Variants in EPC2 observed in about 807,000 individuals in gnomAD.
EPC2 encodes the protein enhancer of polycomb homolog 2.
A neutral mutation model predicts 92.1 loss-of-function variants in EPC2; 14 were observed. The ratio of observed to expected loss-of-function variants is 0.15; its 90% confidence interval spans 0.10 to 0.24. The LOEUF is 0.24. Among genes scored for constraint, EPC2 ranks in the 10% least tolerant of loss-of-function variants. The pLI is 1.00. For synonymous variants in EPC2, 340 were observed against 334.7 expected, an observed-to-expected ratio of 1.02 and a Z score of -0.17; for missense variants, 755 against 971.5, an observed-to-expected ratio of 0.78 and a Z score of 2.96.
intron 2 of EPC2, among the ~76,000 whole-genome samples, chr2:148,725,288 C>T (rs532584357): frequency 6.6e-6 from 1 of 151,978 alleles, no homozygotes; most frequent in South Asian, 2.1e-4. Flanking sequence ...TGAATTCTAT[C>T]TACTGTTCTC....
intron 1 of EPC2, among the ~76,000 whole-genome samples, chr2:148,679,938 C>A (rs146720358): frequency 6.6e-6 from 1 of 152,114 alleles, no homozygotes; most frequent in Non-Finnish European, 1.5e-5. Context: ...TAAGCCACTG[C>A]GCCTGGCAAA....
intron 2 of EPC2, among the ~76,000 whole-genome samples, chr2:148,710,674 A>G (rs1490584887): frequency 7.0e-6 from 1 of 141,948 alleles, no homozygotes; most frequent in Admixed American, 7.6e-5. Context: ...GCCATAAAAA[A>G]TAATGAGTTA....
chr2:148,774,624 T>TATATATATATATATATA (rs935978031), intron 10 of EPC2, among the ~76,000 whole-genome samples: 4 of 132,572 alleles, frequency 3.0e-5, no homozygotes, highest in African/African-American at 1.1e-4. Context: ...AAAATATATT[T>TATATATATATATATATA]TATATATATA....
Position 148,754,023 on chromosome 2 carries a change from A to C in EPC2, c.556A>C (p.Arg186=). Residue 186 remains arginine, a synonymous_variant, in exon 4 of 14, where the codon AGG becomes CGG. Transcript: ENST00000258484. ...CTGGGTGAGAAAACGTAAAAACTGC[A>C]GGGGGCCATCCCTCATTCCTCAGAT... ...DYWVRKRKNC[R]GPSLIPQIKQ... is the part of the protein sequence containing the mutation. 1 of 1,611,572 alleles carries C rather than the reference A, an allele frequency of 6.2e-7. No homozygotes were observed. Among genetic ancestry groups the C allele is most frequent in the Non-Finnish European group, 8.5e-7 (1 of 1,178,798 alleles).
At chr2:148,664,056 T>C (rs955998394) in intron 1 of EPC2, among the ~76,000 whole-genome samples, 9 of 152,182 alleles carry the variant, frequency 5.9e-5, no homozygotes, top group Non-Finnish European at 1.3e-4. Context: ...AGTCACCTAC[T>C]ACCCAATTCC....
chr2:148,671,879 T>C (rs1681162745), intron 1 of EPC2, among the ~76,000 whole-genome samples: 1 of 152,182 alleles, frequency 6.6e-6, no homozygotes, highest in Non-Finnish European at 1.5e-5. Flanking sequence ...CAGTGTATAG[T>C]TGAGCCTTGG....
chr2:148,653,616 G>A (rs928038936), intron 1 of EPC2, among the ~76,000 whole-genome samples: 6 of 151,882 alleles, frequency 4.0e-5, no homozygotes, highest in African/African-American at 9.7e-5. Context: ...GTAAGCAGCT[G>A]TTGCTATAAA....
chr2:148,713,290 A>G (rs1682192179), intron 2 of EPC2, among the ~76,000 whole-genome samples: 1 of 152,184 alleles, frequency 6.6e-6, no homozygotes, highest in Non-Finnish European at 1.5e-5. Context: ...GATAATGATG[A>G]TCATGACCCA....
intron 1 of EPC2, among the ~76,000 whole-genome samples, chr2:148,686,268 A>G (rs1247266133): frequency 1.3e-5 from 2 of 152,216 alleles, no homozygotes; most frequent in African/African-American, 4.8e-5. Context: ...GCTCATCCAT[A>G]AGAAACAACT....
intron 1 of EPC2, among the ~76,000 whole-genome samples, chr2:148,678,760 T>C (rs931482801): frequency 6.6e-6 from 1 of 152,224 alleles, no homozygotes; most frequent in Non-Finnish European, 1.5e-5. Context: ...GGTGCCCACT[T>C]GTGCCTCTCC....
intron 1 of EPC2, among the ~76,000 whole-genome samples, chr2:148,657,645 A>G (rs949982723): frequency 9.2e-5 from 14 of 152,014 alleles, no homozygotes; most frequent in African/African-American, 3.1e-4. Context: ...ACACCAGAAT[A>G]TCTAGGATGC....
intron 1 of EPC2, among the ~76,000 whole-genome samples, chr2:148,656,382 A>G (rs369292672): frequency 4.1e-5 from 6 of 147,872 alleles, no homozygotes; most frequent in South Asian, 4.7e-4. Flanking sequence ...TTTTATACCA[A>G]AAAAGTCAGA....
intron 13 of EPC2, among the ~76,000 whole-genome samples, chr2:148,785,343 C>G (rs1683845711): frequency 6.6e-6 from 1 of 151,974 alleles, no homozygotes; most frequent in Admixed American, 6.5e-5. Context: ...CCGCCCCACC[C>G]CCGAGATGGA....
In EPC2 at chr2:148,672,817, T is replaced by G. The variant is rs1444884772; in HGVS notation, c.154-17397T>G. On this transcript the variant is annotated intron_variant, in intron 1 of 13. Transcript: ENST00000258484. ...TATATTTTTGCGTGGTTTCTTGTTG[T>G]TGTCTAGCATCCTTTTGTTTCAACT... Among the ~76,000 whole-genome samples the G allele has an allele frequency of 1.6e-4, 25 of 152,206 alleles. 1 individual carries two copies. Among genetic ancestry groups the G allele is most frequent in the Admixed American group, 1.5e-3 (23 of 15,284 alleles).
At chr2:148,652,461 A>C (rs956416252) in intron 1 of EPC2, among the ~76,000 whole-genome samples, 1 of 152,220 alleles carries the variant, frequency 6.6e-6, no homozygotes, top group African/African-American at 2.4e-5. Flanking sequence ...CAAACTCTTC[A>C]CACTTATTAA....
At position 148,783,579 on chromosome 2, in the gene EPC2, AC is replaced by A. The variant is rs1194059955; in HGVS notation, c.1858-17del. Reference sequence around the variant, plus strand: ...TCACATCTAAAAATTAGAGTGTTTAACTTTGTTCATTTTATAGGGCTCAAGC... The same window carrying A: ...TCACATCTAAAAATTAGAGTGTTTAATTTGTTCATTTTATAGGGCTCAAGC... On this transcript the variant is annotated splice_polypyrimidine_tract_variant and intron_variant, in intron 11 of 13. Transcript: ENST00000258484. 1.9e-6 allele frequency: 3 copies of A among 1,590,590 alleles called. No homozygotes were observed. In the South Asian group the frequency reaches 3.4e-5, roughly 18 times the overall value.
At chr2:148,662,155 A>AG (rs1680950261) in intron 1 of EPC2, among the ~76,000 whole-genome samples, 1 of 152,228 alleles carries the variant, frequency 6.6e-6, no homozygotes, top group Non-Finnish European at 1.5e-5. Context: ...ATCATTAAAA[A>AG]GTCAGGAAAC....
chr2:148,728,151 A>G (rs1682535152), intron 2 of EPC2, among the ~76,000 whole-genome samples: 1 of 152,116 alleles, frequency 6.6e-6, no homozygotes, highest in Non-Finnish European at 1.5e-5. Context: ...CATGTTGCTC[A>G]GGCTGGTTTT....
chr2:148,734,188 G>A (rs868347510), intron 2 of EPC2, among the ~76,000 whole-genome samples: 2 of 151,602 alleles, frequency 1.3e-5, no homozygotes, highest in South Asian at 4.2e-4. Context: ...TGTTATCCCC[G>A]TCTTTTTTTT....
Sources: gnomAD v4.1 joint callset for allele counts (sites outside exome capture counted in the v4.1 genomes callset) on GRCh38, gnomAD v4.1.1 for gene constraint, MANE v1.5 for transcripts, NCBI Gene and HGNC (gene_info 2026-07-23, HGNC 2026-07-21) for gene names.